The following AFF3 variants were observed in gnomAD, a reference collection of about 807,000 sequenced individuals.
AFF3 encodes ALF transcription elongation factor 3, also known as AF4/FMR2 family member 3.
In AFF3, 32 loss-of-function variants were observed where a neutral mutation model predicts 129.7. That is an observed-to-expected ratio of 0.25 (90% confidence interval 0.19 to 0.33). The LOEUF is 0.33. Ranked by LOEUF, AFF3 falls within the 10% of genes least tolerant of loss-of-function variation. AFF3 has a pLI of 1.00. For missense variants in AFF3, 1,373 were observed against 1,592.0 expected, an observed-to-expected ratio of 0.86 and a Z score of 2.34; for synonymous variants, 644 against 635.4, an observed-to-expected ratio of 1.01 and a Z score of -0.20.
At chr2:99,858,259 GT>G in intron 7 of AFF3, among the ~76,000 whole-genome samples, 1 of 151,926 alleles carries the variant, frequency 6.6e-6, no homozygotes, top group Middle Eastern at 3.2e-3. Context: ...AATAATTGCT[GT>G]TTTGGCAGGG....
At chr2:99,973,194 T>G (rs1319839249) in intron 7 of AFF3, among the ~76,000 whole-genome samples, 1 of 152,210 alleles carries the variant, frequency 6.6e-6, no homozygotes, top group African/African-American at 2.4e-5. Flanking sequence ...GCTCTTCTTT[T>G]TCTTCCTGTT....
intron 4 of AFF3, among the ~76,000 whole-genome samples, chr2:100,043,948 T>C (rs1285237645): frequency 6.6e-6 from 1 of 152,226 alleles, no homozygotes; most frequent in Non-Finnish European, 1.5e-5. Flanking sequence ...AATTATTTTT[T>C]CAGTCTCTTT....
Position 99,593,952 on chromosome 2 carries a change from G to A in AFF3, c.1709C>T (p.Ala570Val), listed in dbSNP as rs752855371. The part of the protein sequence containing the change: ...AAAPPPAVPC[A>V]PAENAPAPAR... The stretch of plus-strand genomic sequence containing the variant: ...AGGCGCGGGCGCGTTCTCCGCGGGC[G>A]CACAGGGCACTGCGGGTGGCGGGGC... Residue 570 changes from alanine to valine, a missense_variant, in exon 15 of 25, where the codon GCG becomes GTG. Ala to Val is a moderately conservative substitution (Grantham distance 64, BLOSUM62 0). Transcript: ENST00000672756. 9 of 1,456,830 alleles carry A rather than the reference G, an allele frequency of 6.2e-6. No individual in the cohort carries two copies. The highest frequency in any genetic ancestry group is 2.5e-5 in the Admixed American group (1 of 39,286). The allele number at this position is 1,456,830 out of a possible 1,614,324, so 90.2% of individuals were successfully genotyped here.
chr2:99,930,323 C>T (rs1368561121), intron 7 of AFF3, among the ~76,000 whole-genome samples: 2 of 152,128 alleles, frequency 1.3e-5, no homozygotes, highest in African/African-American at 4.8e-5. Flanking sequence ...AAATGCCTGC[C>T]TCATGGGATC....
intron 4 of AFF3, among the ~76,000 whole-genome samples, chr2:100,099,876 CTT>C (rs557275674): frequency 9.8e-4 from 149 of 151,660 alleles, no homozygotes; most frequent in African/African-American, 3.2e-3. Context: ...TCATGATGCT[CTT>C]GTTTCACTTA....
At chr2:99,585,782 G>A (rs1163422200) in intron 16 of AFF3, among the ~76,000 whole-genome samples, 1 of 152,186 alleles carries the variant, frequency 6.6e-6, no homozygotes, top group East Asian at 1.9e-4. Flanking sequence ...AGGCTGGAGT[G>A]CCATGGCACA....
At chr2:100,130,317 C>A (rs922804960) in intron 1 of AFF3, among the ~76,000 whole-genome samples, 2 of 152,198 alleles carry the variant, frequency 1.3e-5, no homozygotes, top group Non-Finnish European at 2.9e-5. Context: ...CATGCCAGCT[C>A]CACGTTTCTG....
At chr2:99,685,468 G>T (rs1415361077) in intron 11 of AFF3, among the ~76,000 whole-genome samples, 1 of 152,036 alleles carries the variant, frequency 6.6e-6, no homozygotes, top group African/African-American at 2.4e-5. Flanking sequence ...GCAGAAGAGG[G>T]GTGCATTTAC....
chr2:99,845,958 G>A (rs555327605), intron 7 of AFF3, among the ~76,000 whole-genome samples: 7 of 151,810 alleles, frequency 4.6e-5, no homozygotes, highest in Admixed American at 1.3e-4. Context: ...TCAGCCTCCC[G>A]AGTAGCTGGG....
At chr2:99,698,159 T>C (rs870560) in intron 11 of AFF3, among the ~76,000 whole-genome samples, 81,427 of 152,004 alleles carry the variant, frequency 0.54, 21,877 homozygotes, top group East Asian at 0.66. Flanking sequence ...CCTAATCTAA[T>C]CTGTGCAACA....
intron 7 of AFF3, among the ~76,000 whole-genome samples, chr2:100,000,585 G>C (rs1028042051): frequency 1.3e-5 from 2 of 151,930 alleles, no homozygotes; most frequent in African/African-American, 4.8e-5. Context: ...TATTTTGTTT[G>C]CTTTTGTTTC....
At chr2:99,770,187 C>T (rs1173447282) in intron 8 of AFF3, among the ~76,000 whole-genome samples, 2 of 152,190 alleles carry the variant, frequency 1.3e-5, no homozygotes, top group African/African-American at 4.8e-5. Context: ...AGCTGGCACT[C>T]CAACTGTAAG....
At chr2:99,928,715 C>T (rs1238704326) in intron 7 of AFF3, among the ~76,000 whole-genome samples, 2 of 152,188 alleles carry the variant, frequency 1.3e-5, no homozygotes, top group Non-Finnish European at 2.9e-5. Flanking sequence ...CAAGATGCAG[C>T]CTCCGGAGGC....
At chr2:99,615,745 G>C (rs1230407130) in intron 13 of AFF3, among the ~76,000 whole-genome samples, 1 of 152,256 alleles carries the variant, frequency 6.6e-6, no homozygotes, top group Non-Finnish European at 1.5e-5. Context: ...CAGGGGTTGG[G>C]GGCCATTGCC....
intron 7 of AFF3, among the ~76,000 whole-genome samples, chr2:99,997,774 T>A (rs1680992096): frequency 6.6e-6 from 1 of 152,154 alleles, no homozygotes; most frequent in Non-Finnish European, 1.5e-5. Context: ...ACATTCCCAC[T>A]CAGCCTTCAC....
chr2:99,751,012 G>T (rs1327666960), intron 9 of AFF3, among the ~76,000 whole-genome samples: 6 of 152,130 alleles, frequency 3.9e-5, no homozygotes, highest in African/African-American at 1.4e-4. Context: ...CTCTTAGAAT[G>T]GAATTTATCT....
At chr2:100,082,305 A>C (rs1484494262) in intron 4 of AFF3, among the ~76,000 whole-genome samples, 1 of 152,088 alleles carries the variant, frequency 6.6e-6, no homozygotes, top group African/African-American at 2.4e-5. Flanking sequence ...TGGGACTGGA[A>C]ACACCTAACC....
intron 4 of AFF3, among the ~76,000 whole-genome samples, chr2:100,016,291 A>G (rs1470693356): frequency 3.0e-5 from 4 of 131,428 alleles, no homozygotes; most frequent in South Asian, 5.0e-4. Flanking sequence ...GGGGGTGATG[A>G]TGGTGGTGGC....
At chr2:99,574,607 T>TGTTATTGAGAGCCTACTGGCTTCAGCTG (rs1676816808) in intron 18 of AFF3, among the ~76,000 whole-genome samples, 1 of 152,220 alleles carries the variant, frequency 6.6e-6, no homozygotes, top group Non-Finnish European at 1.5e-5. Flanking sequence ...ATTCAACACT[T>TGTTATTGAGAGCCTACTGGCTTCAGCTG]GTTATTGAGA....
Sources: gnomAD v4.1 joint callset for allele counts (sites outside exome capture counted in the v4.1 genomes callset) on GRCh38, gnomAD v4.1.1 for gene constraint, MANE v1.5 for transcripts, NCBI Gene and HGNC (gene_info 2026-07-23, HGNC 2026-07-21) for gene names.